The following ULK4 variants were observed in gnomAD, a reference collection of about 807,000 sequenced individuals.
ULK4 encodes unc-51 like kinase 4, also known as inactive serine/threonine-protein kinase ULK4.
ULK4 carries 133 observed loss-of-function variants against 160.6 expected under a neutral mutation model. That is an observed-to-expected ratio of 0.83 (90% CI 0.72 to 0.96). ULK4 has a LOEUF of 0.96. ULK4 is among the 40% of genes least tolerant of loss of function. The probability of loss-of-function intolerance (pLI) is 0.00; values close to 1 mark genes in which losing one functional copy is unlikely to be tolerated. For synonymous variants in ULK4, 534 were observed against 539.8 expected (o/e 0.99, Z 0.15); for missense variants, 1,580 against 1,499.5 (o/e 1.05, Z -0.89).
At chr3:41,869,228 T>A (rs1697006810) in intron 17 of ULK4, 1 of 152,218 alleles carries the variant, frequency 6.6e-6, no homozygotes, top group Non-Finnish European at 1.5e-5. Context: ...GAATCAACAT[T>A]ATATTATTTC....
chr3:41,358,573 A>G (rs2081071488), intron 35 of ULK4, among the ~76,000 whole-genome samples: 2 of 152,174 alleles, frequency 1.3e-5, no homozygotes. Flanking sequence ...GTTATGTGGA[A>G]GAATCTTCCA....
chr3:41,747,934 AAACT>A (rs2038473864), intron 22 of ULK4, among the ~76,000 whole-genome samples: 2 of 152,184 alleles, frequency 1.3e-5, no homozygotes. Context: ...CAGCCTGAGC[AAACT>A]AACACAAGTA....
chr3:41,806,769 A>G (rs2040655426), intron 19 of ULK4, among the ~76,000 whole-genome samples: 3 of 152,194 alleles, frequency 2.0e-5, no homozygotes, highest in Non-Finnish European at 4.4e-5. Flanking sequence ...AACATAAGAG[A>G]AAAAGCATTA....
chr3:41,782,230 G>C (rs756901073), intron 21 of ULK4, among the ~76,000 whole-genome samples: 76 of 150,936 alleles, frequency 5.0e-4, no homozygotes, highest in Non-Finnish European at 8.4e-4. Context: ...TATGAGAGAG[G>C]GTTTGCAGAG....
intron 20 of ULK4, among the ~76,000 whole-genome samples, chr3:41,794,660 CAAAAAAAAAAAA>C (rs71075484): frequency 2.1e-4 from 4 of 18,996 alleles, no homozygotes; most frequent in East Asian, 5.1e-3. Flanking sequence ...GACTCTGTCT[CAAAAAAAAAAAA>C]AAAAAAAAAA....
chr3:41,827,973 TG>T (rs2041426508), intron 18 of ULK4, among the ~76,000 whole-genome samples: 2 of 152,030 alleles, frequency 1.3e-5, no homozygotes, highest in African/African-American at 4.8e-5. Context: ...GCTTCATCCC[TG>T]GGATGCAACG....
At chr3:41,825,744 T>C (rs2041323187) in intron 18 of ULK4, among the ~76,000 whole-genome samples, 1 of 152,168 alleles carries the variant, frequency 6.6e-6, no homozygotes. Context: ...TGCAGGATAT[T>C]ATCCAGGAGA....
intron 18 of ULK4, among the ~76,000 whole-genome samples, chr3:41,834,855 G>A (rs1383172475): frequency 1.3e-5 from 2 of 152,212 alleles, no homozygotes; most frequent in Non-Finnish European, 2.9e-5. Context: ...ACCAGCCTGG[G>A]CAACATGGCG....
chr3:41,768,655 C>G (rs1210556503), intron 21 of ULK4, among the ~76,000 whole-genome samples: 2 of 152,182 alleles, frequency 1.3e-5, no homozygotes, highest in African/African-American at 2.4e-5. Flanking sequence ...TATTCCCACC[C>G]CAGCTAACAC....
At position 41,715,230 on chromosome 3, in the gene ULK4, TACTC is replaced by T. The variant is rs1380248245; in HGVS notation, c.2634+3_2634+6del. The T allele has an allele frequency of 5.6e-6, 9 of 1,610,264 alleles. No individual in the cohort carries two copies. The highest frequency in any genetic ancestry group is 7.6e-6 in the Non-Finnish European group (9 of 1,179,192). ...ATTAGAAACAAGGAAAATTTCGTGT[TACTC>T]ACAAGAATAGTTCCATAGCTGAAAA... On this transcript the variant is annotated splice_donor_5th_base_variant and intron_variant, in intron 25 of 36. Coordinates refer to ENST00000301831, the MANE Select transcript of ULK4 (RefSeq NM_017886.4).
intron 34 of ULK4, among the ~76,000 whole-genome samples, chr3:41,405,766 C>A (rs1053125607): frequency 4.0e-5 from 6 of 151,740 alleles, no homozygotes; most frequent in Non-Finnish European, 7.4e-5. Context: ...GCTTGTATGT[C>A]TTCTTTTAAG....
chr3:41,706,363 A>AAT (rs1352875172), intron 25 of ULK4, among the ~76,000 whole-genome samples: 1 of 145,912 alleles, frequency 6.9e-6, no homozygotes, highest in Admixed American at 6.9e-5. Flanking sequence ...ATATATATTT[A>AAT]TATATATATT....
chr3:41,541,151 T>C (rs774354937), intron 32 of ULK4, among the ~76,000 whole-genome samples: 1 of 152,224 alleles, frequency 6.6e-6, no homozygotes, highest in Non-Finnish European at 1.5e-5. Flanking sequence ...TCTAGGGTTT[T>C]TATGGTTTTA....
chr3:41,954,510 T>G, intron 2 of ULK4, 112 bp downstream of exon 2: 1 of 1,265,848 alleles, frequency 7.9e-7, no homozygotes, highest in Non-Finnish European at 1.1e-6. Flanking sequence ...CATTCCAGAC[T>G]GAAAATGTGG....
chr3:41,780,738 T>G (rs2039812533), intron 21 of ULK4, among the ~76,000 whole-genome samples: 1 of 152,180 alleles, frequency 6.6e-6, no homozygotes, highest in Admixed American at 6.5e-5. Flanking sequence ...TCACTGCACT[T>G]AGGGAACCCC....
chr3:41,426,848 C>T (rs2082787796), intron 34 of ULK4, among the ~76,000 whole-genome samples: 1 of 151,946 alleles, frequency 6.6e-6, no homozygotes, highest in South Asian at 2.1e-4. Flanking sequence ...AACATCACAA[C>T]TAAAAAAACT....
At chr3:41,651,050 C>A (rs2034721442) in intron 30 of ULK4, among the ~76,000 whole-genome samples, 2 of 152,172 alleles carry the variant, frequency 1.3e-5, no homozygotes, top group South Asian at 4.1e-4. Context: ...GTCTCTACTT[C>A]TTTATCTCCT....
chr3:41,902,541 G>T (rs367702739), intron 12 of ULK4, among the ~76,000 whole-genome samples: 2 of 139,958 alleles, frequency 1.4e-5, no homozygotes, highest in Non-Finnish European at 3.0e-5. Context: ...TTGCGCCATC[G>T]CACACCAGCC....
At position 41,547,494 on chromosome 3, in the gene ULK4, T is replaced by TC. The variant is rs1269612634; in HGVS notation, c.3226+18530dup. ...GATAAGAGATCCCAGTGGTCCACAT[T>TC]CCCACTGTGGACCCTTGCAAACCCT... On this transcript the variant is annotated intron_variant, in intron 32 of 36. Transcript: ENST00000301831. Among the ~76,000 whole-genome samples, 7 of 152,148 alleles carry TC rather than the reference T, an allele frequency of 4.6e-5. No individual in the cohort carries two copies. The East Asian group carries it at 7.7e-4, about 17-fold the overall frequency.
Sources: gnomAD v4.1 joint callset for allele counts (sites outside exome capture counted in the v4.1 genomes callset) on GRCh38, gnomAD v4.1.1 for gene constraint, MANE v1.5 for transcripts, NCBI Gene and HGNC (gene_info 2026-07-23, HGNC 2026-07-21) for gene names.